TBCD: variants seen among roughly 807,000 people sequenced by gnomAD.
TBCD encodes tubulin folding cofactor D, also known as tubulin-specific chaperone D.
In TBCD, 105 loss-of-function variants were observed where a neutral mutation model predicts 169.3. The observed-to-expected ratio is 0.62, with a 90% confidence interval of 0.53 to 0.73. The LOEUF is 0.73. TBCD is among the 30% of genes least tolerant of loss of function. The probability of loss-of-function intolerance (pLI) is 0.00; values close to 1 mark genes in which losing one functional copy is unlikely to be tolerated. For missense variants in TBCD, 1,444 were observed against 1,600.1 expected, an observed-to-expected ratio of 0.90 and a Z score of 1.66; for synonymous variants, 700 against 643.9, an observed-to-expected ratio of 1.09 and a Z score of -1.32.
chr17:82,774,993 T>C (rs2048498890), intron 6 of TBCD, among the ~76,000 whole-genome samples: 1 of 152,250 alleles, frequency 6.6e-6, no homozygotes, highest in Non-Finnish European at 1.5e-5. Context: ...GCAGCAGTAC[T>C]GAGGGTTGCG....
chr17:82,861,067 G>A (rs774823735), intron 13 of TBCD, among the ~76,000 whole-genome samples: 16 of 152,058 alleles, frequency 1.1e-4, no homozygotes, highest in South Asian at 2.1e-4. Flanking sequence ...GAGTGTGGGC[G>A]TTGGCAGCTT....
intron 7 of TBCD, among the ~76,000 whole-genome samples, chr17:82,792,387 A>T (rs987290095): frequency 1.3e-5 from 2 of 152,036 alleles, no homozygotes; most frequent in Middle Eastern, 3.4e-3. Flanking sequence ...ATGTGTATAT[A>T]TATGTATATA....
In TBCD at chr17:82,938,089, C is replaced by G; in HGVS notation, c.3322C>G (p.Gln1108Glu). Residue 1108 changes from glutamine to glutamate, a missense_variant, in exon 36 of 39, where the codon CAG (glutamine) becomes GAG (glutamate). Transcript: ENST00000355528. ...GCAGTTCCCCGGCGACGTGAGGAGG[C>G]AGGCCCTCCTGCAGCTGTGTCTGCT... is the stretch of plus-strand genomic sequence containing the variant. ...MVQFPGDVRRQALLQLCLLLC... is the reference protein window; with the variant it reads ...MVQFPGDVRREALLQLCLLLC... 6.2e-7 allele frequency: 1 copy of G among 1,612,984 alleles called. No individual in the cohort carries two copies. Among genetic ancestry groups the G allele is most frequent in the Non-Finnish European group, 8.5e-7 (1 of 1,179,856 alleles).
At chr17:82,887,663 C>T (rs903489637) in intron 15 of TBCD, among the ~76,000 whole-genome samples, 2 of 152,140 alleles carry the variant, frequency 1.3e-5, no homozygotes, top group African/African-American at 4.8e-5. Context: ...GGTAGTTGGA[C>T]ATTTAAACTG....
chr17:82,900,696 C>A lies in TBCD; in HGVS notation c.1695C>A (p.Asp565Glu), dbSNP rs766250243. The A allele has an allele frequency of 5.0e-6, 8 of 1,613,872 alleles. No individual in the cohort carries two copies. In the Admixed American group the frequency reaches 1.3e-4, roughly 27 times the overall value. The change falls in exon 18 of 39, where the codon GAC (aspartate) becomes GAA (glutamate). Residue 565 changes from aspartate to glutamate, a missense_variant. By Grantham distance (45) the Asp-to-Glu change is conservative. Coordinates refer to ENST00000355528, the MANE Select transcript of TBCD (RefSeq NM_005993.5). The stretch of plus-strand genomic sequence containing the variant: ...CTGAGTACACGCAGCCAATGATAGA[C>A]CACCTGGTTACCATGAAGATCAGCC... ...GFPEYTQPMIDHLVTMKISHW... is the reference protein window; with the variant it reads ...GFPEYTQPMIEHLVTMKISHW...
intron 13 of TBCD, among the ~76,000 whole-genome samples, chr17:82,827,644 G>A (rs1472879457): frequency 1.3e-5 from 2 of 152,122 alleles, no homozygotes; most frequent in African/African-American, 4.8e-5. Context: ...ACACATGCAC[G>A]TTGACACGTG....
intron 13 of TBCD, among the ~76,000 whole-genome samples, chr17:82,869,369 A>T (rs66893622): frequency 0.52 from 79,259 of 151,932 alleles, 21,515 homozygotes; most frequent in East Asian, 0.71. Context: ...AAATTTAAAA[A>T]GTAGCTGGGT....
intron 14 of TBCD, among the ~76,000 whole-genome samples, chr17:82,872,078 TC>T (rs1260707173): frequency 6.6e-6 from 1 of 152,110 alleles, no homozygotes; most frequent in African/African-American, 2.4e-5. Context: ...CCCGGTTACT[TC>T]CCTGGGTGTG....
At chr17:82,805,759 T>G in intron 9 of TBCD, 116 bp from the exon 10 acceptor site, 1 of 1,268,332 alleles carries the variant, frequency 7.9e-7, no homozygotes, top group Non-Finnish European at 1.1e-6. Flanking sequence ...CTCTGCAAAG[T>G]GCATGGAATT....
intron 13 of TBCD, among the ~76,000 whole-genome samples, chr17:82,850,681 C>T (rs964185387): frequency 7.9e-5 from 12 of 152,098 alleles, no homozygotes; most frequent in Admixed American, 2.0e-4. Flanking sequence ...GTGCTGACCC[C>T]GGACCCCCTA....
At chr17:82,814,361 A>G (rs1347885138) in intron 12 of TBCD, among the ~76,000 whole-genome samples, 6 of 152,124 alleles carry the variant, frequency 3.9e-5, no homozygotes, top group Non-Finnish European at 5.9e-5. Flanking sequence ...GTGGTGGGAA[A>G]ACCCCACCTG....
intron 23 of TBCD, among the ~76,000 whole-genome samples, chr17:82,919,738 A>T (rs1312238280): frequency 6.6e-6 from 1 of 152,024 alleles, no homozygotes; most frequent in Non-Finnish European, 1.5e-5. Context: ...GTGGAACAGG[A>T]GTTGTCTGGT....
At chr17:82,803,706 A>G (rs1338112971) in intron 9 of TBCD, among the ~76,000 whole-genome samples, 2 of 152,106 alleles carry the variant, frequency 1.3e-5, no homozygotes, top group Non-Finnish European at 2.9e-5. Context: ...AGTGGCTTTA[A>G]GTCTTCCGTC....
chr17:82,931,007 C>T (rs2062155367), intron 33 of TBCD, among the ~76,000 whole-genome samples: 1 of 152,246 alleles, frequency 6.6e-6, no homozygotes, highest in Admixed American at 6.5e-5. Flanking sequence ...GCTCATCAGC[C>T]ACCCGGCAAG....
intron 37 of TBCD, among the ~76,000 whole-genome samples, chr17:82,939,917 C>T (rs2062969424): frequency 6.6e-6 from 1 of 152,240 alleles, no homozygotes; most frequent in Admixed American, 6.5e-5. Flanking sequence ...CTGATGTCCA[C>T]CCCCTTCCTC....
At chr17:82,906,203 T>C (rs1021148369) in intron 20 of TBCD, 150 bp downstream of exon 20, 15 of 649,366 alleles carry the variant, frequency 2.3e-5, no homozygotes, top group African/African-American at 1.3e-4. Context: ...CCAGGTTGTA[T>C]TGATGGAGTG....
At chr17:82,913,779 G>T (rs1228419983) in intron 23 of TBCD, 2 of 152,454 alleles carry the variant, frequency 1.3e-5, no homozygotes, top group Admixed American at 1.3e-4. Flanking sequence ...CCCCTTAGGG[G>T]TCCTGCTGGG....
chr17:82,815,230 G>A (rs144360781), intron 13 of TBCD, among the ~76,000 whole-genome samples: 2 of 152,256 alleles, frequency 1.3e-5, no homozygotes, highest in Non-Finnish European at 1.5e-5. Context: ...TAATGCCACA[G>A]ATTACCCTGT....
At position 82,915,297 on chromosome 17, in the gene TBCD, T is replaced by C. The variant is rs1228184204; in HGVS notation, c.2038+3508T>C. On this transcript the variant is annotated intron_variant, in intron 23 of 38. Coordinates refer to ENST00000355528, the MANE Select transcript of TBCD (RefSeq NM_005993.5). This position sits in a 1 kb window ranked among gnomAD's most constrained non-coding sequence, Gnocchi z 4.3. ...TCGAACCGCAGATTTCTTCAGACGT[T>C]TTTTGCACATTTTGTGGGAAAAGTG... Among the ~76,000 whole-genome samples, 1 of 152,182 alleles carries C rather than the reference T, an allele frequency of 6.6e-6. No homozygotes were observed. The highest frequency in any genetic ancestry group is 1.5e-5 in the Non-Finnish European group (1 of 68,010).
Sources: allele counts gnomAD v4.1 joint callset (sites outside exome capture counted in the v4.1 genomes callset), GRCh38; gene constraint gnomAD v4.1.1; non-coding constraint Gnocchi (gnomAD v3.1); transcripts MANE v1.5; gene names NCBI Gene and HGNC (gene_info 2026-07-23, HGNC 2026-07-21).